ITPRID1: variants seen among roughly 807,000 people sequenced by gnomAD.
ITPRID1 encodes the protein ITPR interacting domain containing 1, also known as protein ITPRID1.
ITPRID1 carries 96 observed loss-of-function variants against 95.4 expected under a neutral mutation model. The observed-to-expected ratio is 1.01, with a 90% CI of 0.85 to 1.19. The LOEUF (loss-of-function observed/expected upper bound fraction) is 1.19. Ranked by LOEUF, ITPRID1 falls within the 50% of genes most tolerant of loss-of-function variation. The probability of loss-of-function intolerance (pLI) is 0.00; values close to 1 mark genes in which losing one functional copy is unlikely to be tolerated. For synonymous variants in ITPRID1, 510 were observed against 453.6 expected, an observed-to-expected ratio of 1.12 and a Z score of -1.58; for missense variants, 1,339 against 1,252.9, an observed-to-expected ratio of 1.07 and a Z score of -1.04.
rs2128210668 is a variant in ITPRID1, at chr7:31,643,279, G to A, written c.1909G>A (p.Glu637Lys). Residue 637 changes from glutamate to lysine, a missense_variant, in exon 12 of 15, where the codon GAA becomes AAA. By Grantham distance (56) the Glu-to-Lys change is moderately conservative. Transcript: ENST00000615280. ...CACCAACCACAGCTTACTCGTACCAGAAAGCTCATCACAGTGTATCCCCAA... is the reference window on the plus strand; with the variant it reads ...CACCAACCACAGCTTACTCGTACCAAAAAGCTCATCACAGTGTATCCCCAA... ...PHTNHSLLVP[E>K]SSSQCIPKHS... The A allele has an allele frequency of 6.2e-7, 1 of 1,613,798 alleles. No individual in the cohort carries two copies. The highest frequency in any genetic ancestry group is 1.7e-5 in the Admixed American group (1 of 60,012).
At chr7:31,531,988 C>A in intron 1 of ITPRID1, among the ~76,000 whole-genome samples, 1 of 152,084 alleles carries the variant, frequency 6.6e-6, no homozygotes, top group Non-Finnish European at 1.5e-5. Flanking sequence ...CAACTTACGT[C>A]AGGCCTAAAA....
rs142323942 is a variant in ITPRID1, at chr7:31,643,952, C to A, written c.2582C>A (p.Ser861Tyr). 311 of 1,603,602 alleles carry A rather than the reference C, an allele frequency of 1.9e-4. 2 individuals carry two copies. The African/African-American group carries it at 3.9e-3, about 20-fold the overall frequency. The stretch of plus-strand genomic sequence containing the variant: ...GACACTACAGTGAGGGAGCTATGTT[C>A]CGTAAGTGTTCACCCTGGCAAAGAT... ...LQDTTVRELCSCTVHEMEAMK... is the reference protein window; with the variant it reads ...LQDTTVRELCYCTVHEMEAMK... Residue 861 changes from serine to tyrosine, a missense_variant and splice_region_variant, in exon 12 of 15, where the codon TCC (serine) becomes TAC (tyrosine). Coordinates refer to ENST00000615280, the MANE Select transcript of ITPRID1 (RefSeq NM_001257967.3).
At position 31,654,419 on chromosome 7, in the gene ITPRID1, T is replaced by G. The variant is rs752771829; in HGVS notation, c.*1590T>G. Among the ~76,000 whole-genome samples the G allele has an allele frequency of 1.4e-4, 21 of 152,178 alleles. No individual in the cohort carries two copies. Among genetic ancestry groups the G allele is most frequent in the Admixed American group, 5.9e-4 (9 of 15,278 alleles). On this transcript the variant is annotated 3_prime_UTR_variant, in exon 15 of 15. Coordinates refer to ENST00000615280, the MANE Select transcript of ITPRID1 (RefSeq NM_001257967.3). ...TGACCAAGTCTTTGCATCTGAATCC[T>G]TTTTCCAAGGGTAATGGAAAGCCAC...
In ITPRID1 at chr7:31,652,792, G is replaced by T; in HGVS notation, c.3098G>T (p.Cys1033Phe). The T allele has an allele frequency of 1.9e-6, 3 of 1,613,592 alleles. No homozygotes were observed. Among genetic ancestry groups the T allele is most frequent in the Non-Finnish European group, 2.5e-6 (3 of 1,179,588 alleles). The stretch of plus-strand genomic sequence containing the variant: ...TTAGGTCCAACCCCTTTGTCAAATT[G>T]TCCTGTTGGAGAAAAGGATGCAGAT... ...AKLGPTPLSN[C>F]PVGEKDADVF... Residue 1033 changes from cysteine to phenylalanine, a missense_variant, in exon 15 of 15, where the codon TGT (cysteine) becomes TTT (phenylalanine). Coordinates refer to ENST00000615280, the MANE Select transcript of ITPRID1 (RefSeq NM_001257967.3).
intron 1 of ITPRID1, among the ~76,000 whole-genome samples, chr7:31,516,936 C>T (rs775965724): frequency 1.3e-5 from 2 of 152,190 alleles, no homozygotes; most frequent in East Asian, 3.8e-4. Flanking sequence ...TCGGACCTGT[C>T]CGGAGTTTCT....
Position 31,576,334 on chromosome 7 carries a change from C to G in ITPRID1, c.599-1529C>G, listed in dbSNP as rs547808393. ...ATCAATTAGTCCATTGTTCAATCTACCCAAAGGCAAAAATAAAAGAAAACA... is the reference window on the plus strand; with the variant it reads ...ATCAATTAGTCCATTGTTCAATCTAGCCAAAGGCAAAAATAAAAGAAAACA... On this transcript the variant is annotated intron_variant, in intron 8 of 14. Coordinates refer to ENST00000615280, the MANE Select transcript of ITPRID1 (RefSeq NM_001257967.3). Among the ~76,000 whole-genome samples, 24 of 152,214 alleles carry G rather than the reference C, an allele frequency of 1.6e-4. No individual in the cohort carries two copies. In the South Asian group the frequency reaches 4.8e-3, roughly 30 times the overall value.
intron 1 of ITPRID1, among the ~76,000 whole-genome samples, chr7:31,538,867 T>C (rs1041394205): frequency 6.6e-6 from 1 of 152,248 alleles, no homozygotes; most frequent in Non-Finnish European, 1.5e-5. Context: ...TTTGAGGCTA[T>C]CTTGATATCC....
chr7:31,538,981 C>G (rs976565111), intron 1 of ITPRID1, among the ~76,000 whole-genome samples: 1 of 152,116 alleles, frequency 6.6e-6, no homozygotes, highest in Non-Finnish European at 1.5e-5. Context: ...TCTGTAACTC[C>G]GTCATTCTTT....
intron 10 of ITPRID1, among the ~76,000 whole-genome samples, chr7:31,620,425 G>C (rs150089719): frequency 6.6e-6 from 1 of 151,680 alleles, no homozygotes; most frequent in South Asian, 2.1e-4. Flanking sequence ...CCAGAGGAAC[G>C]ATCAGACAGC....
intron 10 of ITPRID1, among the ~76,000 whole-genome samples, chr7:31,617,195 C>G (rs986267060): frequency 9.2e-5 from 14 of 152,118 alleles, no homozygotes; most frequent in Non-Finnish European, 1.6e-4. Flanking sequence ...AGGGAAGATC[C>G]TATTATTTCT....
rs529247007 is a variant in ITPRID1, at chr7:31,534,899, C to T, written c.-97-14527C>T. On this transcript the variant is annotated intron_variant, in intron 1 of 14. Coordinates refer to ENST00000615280, the MANE Select transcript of ITPRID1 (RefSeq NM_001257967.3). ...ATAATTTTAAATTACATTTTATCTTCGCTTTTTAAGATTTTTATTATGATT... is the reference window on the plus strand; with the variant it reads ...ATAATTTTAAATTACATTTTATCTTTGCTTTTTAAGATTTTTATTATGATT... 1.7e-4 allele frequency among the ~76,000 whole-genome samples: 26 copies of T among 151,912 alleles called. No individual in the cohort carries two copies. The South Asian group carries it at 5.4e-3, about 32-fold the overall frequency.
intron 10 of ITPRID1, among the ~76,000 whole-genome samples, chr7:31,609,902 A>G (rs1285729602): frequency 6.6e-6 from 1 of 151,278 alleles, no homozygotes; most frequent in African/African-American, 2.4e-5. Context: ...TTTCTTTTTA[A>G]ATATAGACAT....
chr7:31,632,587 G>C (rs1789109557), intron 10 of ITPRID1, among the ~76,000 whole-genome samples: 1 of 152,112 alleles, frequency 6.6e-6, no homozygotes, highest in Non-Finnish European at 1.5e-5. Context: ...TTTCAAAATA[G>C]AGACTGATAT....
At chr7:31,615,749 ATTCTTT>A (rs1583579392) in intron 10 of ITPRID1, among the ~76,000 whole-genome samples, 1 of 69,256 alleles carries the variant, frequency 1.4e-5, no homozygotes, top group East Asian at 6.9e-4. Flanking sequence ...TTTACTGAGA[ATTCTTT>A]TTTTTTTTTT....
At chr7:31,582,447 C>T (rs1376854877) in intron 9 of ITPRID1, among the ~76,000 whole-genome samples, 1 of 152,102 alleles carries the variant, frequency 6.6e-6, no homozygotes, top group African/African-American at 2.4e-5. Context: ...GATGGGGTCT[C>T]ACTATGTTGC....
chr7:31,570,895 A>G (rs1784962740), intron 6 of ITPRID1, among the ~76,000 whole-genome samples: 1 of 152,124 alleles, frequency 6.6e-6, no homozygotes, highest in South Asian at 2.1e-4. Context: ...GTGAAAGGGT[A>G]TCTTCTGCCT....
chr7:31,577,400 A>G (rs1286515480), intron 8 of ITPRID1, among the ~76,000 whole-genome samples: 1 of 152,240 alleles, frequency 6.6e-6, no homozygotes, highest in Non-Finnish European at 1.5e-5. Flanking sequence ...TCTATATGCC[A>G]TGATCTTTCC....
chr7:31,582,040 T>G (rs1785423522), intron 9 of ITPRID1, among the ~76,000 whole-genome samples: 1 of 152,238 alleles, frequency 6.6e-6, no homozygotes, highest in Non-Finnish European at 1.5e-5. Flanking sequence ...TGTACCACAA[T>G]GTTTAAAATG....
intron 10 of ITPRID1, among the ~76,000 whole-genome samples, chr7:31,614,463 G>A (rs1254862754): frequency 1.3e-5 from 2 of 152,014 alleles, no homozygotes; most frequent in Non-Finnish European, 2.9e-5. Context: ...TGTGTCCAGG[G>A]CTTGAAGTAA....
Sources: gnomAD v4.1 joint callset for allele counts (sites outside exome capture counted in the v4.1 genomes callset) on GRCh38, gnomAD v4.1.1 for gene constraint, MANE v1.5 for transcripts, NCBI Gene and HGNC (gene_info 2026-07-23, HGNC 2026-07-21) for gene names.